The following ITGA4 variants were observed in gnomAD, a reference collection of about 807,000 sequenced individuals.
The protein encoded by ITGA4 is integrin alpha-4.
Under a neutral mutation model 133.6 loss-of-function variants are expected in ITGA4, and 63 were observed. The observed-to-expected ratio is 0.47, with a 90% CI of 0.38 to 0.58. The LOEUF is 0.58. ITGA4 is among the 20% of genes least tolerant of loss of function. The probability of loss-of-function intolerance (pLI) is 0.00; values close to 1 mark genes in which losing one functional copy is unlikely to be tolerated. For missense variants in ITGA4, 1,076 were observed against 1,252.7 expected (o/e 0.86, Z 2.13); for synonymous variants, 483 against 438.0 (o/e 1.10, Z -1.28).
rs766895491 is a variant in ITGA4 at position 181,475,076 on chromosome 2, G to A, written c.426+10G>A. The A allele has an allele frequency of 1.2e-6, 2 of 1,613,332 alleles. No individual in the cohort carries two copies. The highest frequency in any genetic ancestry group is 1.7e-6 in the Non-Finnish European group (2 of 1,179,366). Reference sequence around the variant, plus strand: ...AAATGGATCCATCGTGGTAGGTATTGGAACTGGTCCACAGATCCATCGTGA... The same window carrying A: ...AAATGGATCCATCGTGGTAGGTATTAGAACTGGTCCACAGATCCATCGTGA... On this transcript the variant is annotated intron_variant, in intron 3 of 27. Transcript: ENST00000397033.
At chr2:181,509,619 C>T (rs200278853) in intron 15 of ITGA4, 39 bp from the exon 16 acceptor site, 6 of 1,503,164 alleles carry the variant, frequency 4.0e-6, no homozygotes, top group Non-Finnish European at 5.3e-6. Flanking sequence ...AATCTACGTG[C>T]TTGTTTTTGT....
At chr2:181,534,409 G>A in intron 26 of ITGA4, 39 bp downstream of exon 26, 1 of 1,171,272 alleles carries the variant, frequency 8.5e-7, no homozygotes, top group Non-Finnish European at 1.3e-6. Flanking sequence ...AAAATTATAG[G>A]AAAACACATT....
In ITGA4 at chr2:181,536,252, T is replaced by C. The variant is rs1484361557; in HGVS notation, c.*725T>C. 1.3e-5 allele frequency: 2 copies of C among 152,082 alleles called. No homozygotes were observed. The highest frequency in any genetic ancestry group is 6.6e-5 in the Admixed American group (1 of 15,246). 9.4% of individuals were successfully genotyped at this position (152,082 alleles called of 1,614,324 possible). ...TTCTGTATATATACATGTGTTTTTA[T>C]GTAGGTATATATTTACCATTCTTCC... On this transcript the variant is annotated 3_prime_UTR_variant, in exon 28 of 28. Transcript: ENST00000397033.
At position 181,532,566 on chromosome 2, in the gene ITGA4, C is replaced by T. The variant is rs191203186; in HGVS notation, c.2784+790C>T. Among the ~76,000 whole-genome samples, 23 of 152,198 alleles carry T rather than the reference C, an allele frequency of 1.5e-4. No individual in the cohort carries two copies. In the East Asian group the frequency reaches 2.9e-3, roughly 19 times the overall value. On this transcript the variant is annotated intron_variant, in intron 25 of 27. Coordinates refer to ENST00000397033, the MANE Select transcript of ITGA4 (RefSeq NM_000885.6). ...CTCTCTGCTTGTCTATTATTGTATA[C>T]GAATGCTTGTGACTTTTGCACATTG... is the stretch of plus-strand genomic sequence containing the variant.
intron 17 of ITGA4, among the ~76,000 whole-genome samples, chr2:181,515,689 A>G (rs1300890168): frequency 1.3e-5 from 2 of 152,084 alleles, no homozygotes; most frequent in Admixed American, 1.3e-4. Flanking sequence ...GAGCCCTTCT[A>G]ATTAATTTCT....
chr2:181,460,566 AGTGTGTGTGTGTGT>A (rs61016862), intron 2 of ITGA4, among the ~76,000 whole-genome samples: 21 of 148,070 alleles, frequency 1.4e-4, no homozygotes, highest in Admixed American at 4.7e-4. Context: ...TCTGTAGAAG[AGTGTGTGTGTGTGT>A]GTGTGTGTGT....
rs76606935 is a variant in ITGA4 at position 181,500,727 on chromosome 2, T to A, written c.1695+1950T>A. ...GTTGGTTGGACATGGTTTACTTGTG[T>A]AGATGTCCCTACTGGCCATTCACTC... is the stretch of plus-strand genomic sequence containing the variant. On this transcript the variant is annotated intron_variant, in intron 15 of 27. Transcript: ENST00000397033. Among the ~76,000 whole-genome samples, 924 of 152,260 alleles carry A rather than the reference T, an allele frequency of 6.1e-3. 8 individuals carry two copies. Among genetic ancestry groups the A allele is most frequent in the African/African-American group, 0.02 (849 of 41,552 alleles).
rs1687062635 is a variant in ITGA4, at chr2:181,535,836, A to G, written c.*309A>G. 5.2e-6 allele frequency: 1 copy of G among 192,464 alleles called. No homozygotes were observed. 11.9% of individuals were successfully genotyped at this position (192,464 alleles called of 1,614,324 possible). A position where few individuals can be genotyped will look rare whatever the true frequency, so the allele number is the denominator to read the frequency against. ...ATATCTTGAAATGAAAGTATAACTG[A>G]GTTAAATTATACTGGAGAAGTCTTA... is the stretch of plus-strand genomic sequence containing the variant. On this transcript the variant is annotated 3_prime_UTR_variant, in exon 28 of 28. Coordinates refer to ENST00000397033, the MANE Select transcript of ITGA4 (RefSeq NM_000885.6).
intron 10 of ITGA4, among the ~76,000 whole-genome samples, chr2:181,492,447 G>A (rs973654038): frequency 1.3e-5 from 2 of 152,120 alleles, no homozygotes; most frequent in Non-Finnish European, 2.9e-5. Flanking sequence ...GTAATATCAT[G>A]AAGACAAACT....
chr2:181,479,564 A>G (rs1408231955), intron 5 of ITGA4: 1 of 152,022 alleles, frequency 6.6e-6, no homozygotes, highest in Non-Finnish European at 1.5e-5. Flanking sequence ...AATTGCTGAA[A>G]GTGTTCATAC....
In ITGA4 at chr2:181,503,565, CTTTTTT is replaced by C. The variant is rs147081320; in HGVS notation, c.1695+4806_1695+4811del. Among the ~76,000 whole-genome samples, 506 of 101,780 alleles carry C rather than the reference CTTTTTT, an allele frequency of 5.0e-3. 1 individual carries two copies. The highest frequency in any genetic ancestry group is 0.026 in the East Asian group (94 of 3,654). The allele number at this position is 101,780 out of a possible 152,430, so 66.8% of individuals were successfully genotyped here. ...AAATAAGAAAGAAGGAAGAAATTGTCTTTTTTTTTTTTTTTTTTTTTTTGCTTTAAA... is the reference window on the plus strand; with the variant it reads ...AAATAAGAAAGAAGGAAGAAATTGTCTTTTTTTTTTTTTTTTTGCTTTAAA... On this transcript the variant is annotated intron_variant, in intron 15 of 27. Coordinates refer to ENST00000397033, the MANE Select transcript of ITGA4 (RefSeq NM_000885.6).
intron 17 of ITGA4, among the ~76,000 whole-genome samples, chr2:181,518,788 A>G (rs1001566078): frequency 3.3e-5 from 5 of 152,032 alleles, no homozygotes; most frequent in Admixed American, 6.6e-5. Flanking sequence ...CTTGCTTTTT[A>G]TATGGAAATT....
chr2:181,470,362 A>C (rs538692823), intron 2 of ITGA4, among the ~76,000 whole-genome samples: 1 of 152,188 alleles, frequency 6.6e-6, no homozygotes, highest in East Asian at 1.9e-4. Context: ...CAATTCTTCC[A>C]GTATGGCCCA....
chr2:181,460,232 A>C (rs1001355055), intron 2 of ITGA4, among the ~76,000 whole-genome samples: 2 of 152,226 alleles, frequency 1.3e-5, no homozygotes, highest in African/African-American at 4.8e-5. Flanking sequence ...CAAGATTCCT[A>C]GTCAGTCAAT....
At chr2:181,493,813 TG>T (rs1278075722) in intron 11 of ITGA4, among the ~76,000 whole-genome samples, 2 of 152,226 alleles carry the variant, frequency 1.3e-5, no homozygotes, top group Admixed American at 6.5e-5. Flanking sequence ...AACACACATA[TG>T]ATTCTCTGGG....
chr2:181,475,788 A>AT, intron 4 of ITGA4: 2 of 1,581,730 alleles, frequency 1.3e-6, no homozygotes, highest in Non-Finnish European at 1.7e-6. Flanking sequence ...TTGAGTTTGA[A>AT]ACATTTTTCT....
At chr2:181,489,978 G>T (rs959377336) in intron 10 of ITGA4, among the ~76,000 whole-genome samples, 21 of 152,110 alleles carry the variant, frequency 1.4e-4, no homozygotes, top group Admixed American at 1.2e-3. Flanking sequence ...CCCTTTTAAG[G>T]GCTCACAACT....
chr2:181,525,800 C>T (rs1265262905), intron 21 of ITGA4, among the ~76,000 whole-genome samples: 2 of 152,196 alleles, frequency 1.3e-5, no homozygotes, highest in Admixed American at 6.5e-5. Context: ...TCCTCAACCA[C>T]AGTATCAGAA....
intron 4 of ITGA4, among the ~76,000 whole-genome samples, chr2:181,477,646 T>G (rs1292518270): frequency 6.6e-6 from 1 of 152,002 alleles, no homozygotes; most frequent in Non-Finnish European, 1.5e-5. Flanking sequence ...CACTATGAAA[T>G]ATCACTTCAC....
Sources: gnomAD v4.1 joint callset for allele counts (sites outside exome capture counted in the v4.1 genomes callset) on GRCh38, gnomAD v4.1.1 for gene constraint, MANE v1.5 for transcripts, NCBI Gene and HGNC (gene_info 2026-07-23, HGNC 2026-07-21) for gene names.